The following CCSER1 variants were observed in gnomAD, a reference collection of about 807,000 sequenced individuals.
The protein encoded by CCSER1 is coiled-coil serine rich protein 1.
CCSER1 carries 41 observed loss-of-function variants against 82.0 expected under a neutral mutation model. The ratio of observed to expected loss-of-function variants is 0.50; its 90% CI spans 0.39 to 0.65. The LOEUF (loss-of-function observed/expected upper bound fraction) is 0.65, where lower values mean the gene tolerates loss of function less well. Ranked by LOEUF, CCSER1 falls within the 30% of genes least tolerant of loss-of-function variation. The probability of loss-of-function intolerance (pLI) is 0.00; values close to 1 mark genes in which losing one functional copy is unlikely to be tolerated. For synonymous variants in CCSER1, 414 were observed against 383.9 expected, an observed-to-expected ratio of 1.08 and a Z score of -0.92; for missense variants, 1,119 against 1,064.2, an observed-to-expected ratio of 1.05 and a Z score of -0.72.
intron 3 of CCSER1, among the ~76,000 whole-genome samples, chr4:90,368,767 C>T (rs573465409): frequency 9.3e-5 from 14 of 151,164 alleles, no homozygotes; most frequent in African/African-American, 3.1e-4. Context: ...CATATAAATA[C>T]GCACACACAC....
At chr4:91,196,737 A>G (rs1735468009) in intron 10 of CCSER1, among the ~76,000 whole-genome samples, 1 of 152,222 alleles carries the variant, frequency 6.6e-6, no homozygotes, top group Admixed American at 6.5e-5. Flanking sequence ...CATCGAATTC[A>G]GGTTGATCTC....
chr4:90,389,119 A>G (rs904956530), intron 3 of CCSER1, among the ~76,000 whole-genome samples: 6 of 152,220 alleles, frequency 3.9e-5, no homozygotes, highest in Admixed American at 3.9e-4. Flanking sequence ...CTTTGTGATT[A>G]ACATTATGGC....
intron 7 of CCSER1, among the ~76,000 whole-genome samples, chr4:90,743,996 A>T (rs76069439): frequency 6.6e-6 from 1 of 152,248 alleles, no homozygotes; most frequent in East Asian, 1.9e-4. Context: ...ACTTTCTTGA[A>T]TGTGGTGAGT....
intron 1 of CCSER1, among the ~76,000 whole-genome samples, chr4:90,158,864 C>T (rs957278832): frequency 1.8e-4 from 27 of 152,102 alleles, no homozygotes; most frequent in Admixed American, 5.9e-4. Context: ...CTTCGGCTCG[C>T]GCAGGGTGTG....
chr4:91,157,306 A>T (rs969534237), intron 10 of CCSER1, among the ~76,000 whole-genome samples: 5 of 151,992 alleles, frequency 3.3e-5, no homozygotes, highest in African/African-American at 1.2e-4. Context: ...TTAATACTGT[A>T]AGTTGAAATT....
intron 6 of CCSER1, among the ~76,000 whole-genome samples, chr4:90,663,670 A>T (rs1173339452): frequency 2.6e-5 from 4 of 152,074 alleles, no homozygotes; most frequent in Non-Finnish European, 5.9e-5. Flanking sequence ...ATTCTTCACA[A>T]TTTTTTCAAA....
chr4:91,201,323 A>G (rs1384645272), intron 10 of CCSER1, among the ~76,000 whole-genome samples: 1 of 152,064 alleles, frequency 6.6e-6, no homozygotes, highest in Non-Finnish European at 1.5e-5. Context: ...GAAATAACCT[A>G]TAAGCTCAGT....
intron 10 of CCSER1, among the ~76,000 whole-genome samples, chr4:91,489,694 A>G (rs1317575034): frequency 3.3e-5 from 5 of 152,110 alleles, no homozygotes; most frequent in Non-Finnish European, 7.4e-5. Context: ...AGGCTGAGGT[A>G]GGAGAATCAC....
intron 4 of CCSER1, among the ~76,000 whole-genome samples, chr4:90,448,415 G>T (rs1368916513): frequency 1.5e-5 from 2 of 133,468 alleles, no homozygotes; most frequent in Non-Finnish European, 1.6e-5. Context: ...ATATTTATCA[G>T]ACTGCTTTTT....
chr4:90,238,731 T>G (rs1470056238), intron 1 of CCSER1, among the ~76,000 whole-genome samples: 1 of 152,282 alleles, frequency 6.6e-6, no homozygotes, highest in East Asian at 1.9e-4. Flanking sequence ...ATCTCTGTAA[T>G]ACTATAAAGA....
intron 7 of CCSER1, among the ~76,000 whole-genome samples, chr4:90,765,097 T>TGA (rs757537881): frequency 0.13 from 19,137 of 152,102 alleles, 1,542 homozygotes; most frequent in Non-Finnish European, 0.17. Context: ...CCAAGTTTCC[T>TGA]TCCAATCAGG....
chr4:91,585,020 T>G, intron 10 of CCSER1, among the ~76,000 whole-genome samples: 1 of 151,570 alleles, frequency 6.6e-6, no homozygotes. Flanking sequence ...GTCACTTACC[T>G]CATCATAAAC....
At chr4:91,410,914 G>A (rs1198057644) in intron 10 of CCSER1, among the ~76,000 whole-genome samples, 1 of 151,950 alleles carries the variant, frequency 6.6e-6, no homozygotes, top group African/African-American at 2.4e-5. Context: ...ACATTCAGAA[G>A]CTAGATTTTT....
intron 9 of CCSER1, among the ~76,000 whole-genome samples, chr4:90,972,544 T>C (rs984436901): frequency 6.6e-6 from 1 of 151,694 alleles, no homozygotes. Flanking sequence ...TAAATGAAGA[T>C]ATCCCATGTT....
At chr4:90,703,128 C>G in intron 6 of CCSER1, among the ~76,000 whole-genome samples, 1 of 152,196 alleles carries the variant, frequency 6.6e-6, no homozygotes, top group East Asian at 1.9e-4. Context: ...AAATTTCCCT[C>G]TACACACAGC....
chr4:90,978,457 A>T (rs1280625754), intron 9 of CCSER1, among the ~76,000 whole-genome samples: 1 of 151,612 alleles, frequency 6.6e-6, no homozygotes, highest in Non-Finnish European at 1.5e-5. Context: ...TGTCTTTCCA[A>T]AATGTCTATT....
At position 91,123,179 on chromosome 4, in the gene CCSER1, A is replaced by C. The variant is rs575727846; in HGVS notation, c.2217+37185A>C. 1.3e-4 allele frequency among the ~76,000 whole-genome samples: 19 copies of C among 151,868 alleles called. 1 individual carries two copies. In the South Asian group the frequency reaches 3.9e-3, roughly 31 times the overall value. On this transcript the variant is annotated intron_variant, in intron 10 of 10. Coordinates refer to ENST00000509176, the MANE Select transcript of CCSER1 (RefSeq NM_001145065.2). ...GAGCATACCCATGAAGTTTATTAAC[A>C]AATTGATTTTCTTTCAAATAGCATA...
At chr4:90,267,617 C>T (rs1361173019) in intron 1 of CCSER1, among the ~76,000 whole-genome samples, 3 of 152,132 alleles carry the variant, frequency 2.0e-5, no homozygotes, top group Non-Finnish European at 4.4e-5. Flanking sequence ...ACCCCTTCCC[C>T]AGCTGCAGGC....
At chr4:91,268,391 A>G (rs1741762537) in intron 10 of CCSER1, among the ~76,000 whole-genome samples, 1 of 152,210 alleles carries the variant, frequency 6.6e-6, no homozygotes, top group African/African-American at 2.4e-5. Context: ...GAGAATATAA[A>G]GGAAATTATC....
Sources: allele counts gnomAD v4.1 joint callset (sites outside exome capture counted in the v4.1 genomes callset), GRCh38; gene constraint gnomAD v4.1.1; transcripts MANE v1.5; gene names NCBI Gene and HGNC (gene_info 2026-07-23, HGNC 2026-07-21).